IL1RAPL1: variants seen among roughly 807,000 people sequenced by gnomAD.
IL1RAPL1 encodes the protein interleukin-1 receptor accessory protein-like 1.
IL1RAPL1 carries 3 observed loss-of-function variants against 48.4 expected under a neutral mutation model. That is an observed-to-expected ratio of 0.06 (90% CI 0.03 to 0.16). The LOEUF (loss-of-function observed/expected upper bound fraction) is 0.16, where lower values mean the gene tolerates loss of function less well. Among genes scored for constraint, IL1RAPL1 ranks in the 10% least tolerant of loss-of-function variants. The pLI, the probability that IL1RAPL1 is intolerant of heterozygous loss-of-function variation, is 1.00. For missense variants in IL1RAPL1, 349 were observed against 530.6 expected, an observed-to-expected ratio of 0.66 and a Z score of 3.36; for synonymous variants, 185 against 187.7, an observed-to-expected ratio of 0.99 and a Z score of 0.12.
intron 6 of IL1RAPL1, among the ~76,000 whole-genome samples, chrX:29,815,052 T>C (rs1227532526): frequency 8.9e-6 from 1 of 111,950 alleles, no homozygotes; most frequent in African/African-American, 3.2e-5. Context: ...CCGCTTTGGC[T>C]ATTTGGGCTC....
At chrX:28,961,556 G>A (rs962433376) in intron 2 of IL1RAPL1, among the ~76,000 whole-genome samples, 1 of 111,132 alleles carries the variant, frequency 9.0e-6, no homozygotes, top group African/African-American at 3.3e-5. Flanking sequence ...GTGTCCATGT[G>A]TTCTCACTGT....
At chrX:29,623,745 A>C (rs1256009034) in intron 5 of IL1RAPL1, among the ~76,000 whole-genome samples, 1 of 112,458 alleles carries the variant, frequency 8.9e-6, no homozygotes, top group Non-Finnish European at 1.9e-5. Context: ...GGTTTGCTAG[A>C]AAATATTGGC....
At chrX:29,196,985 A>C in intron 2 of IL1RAPL1, among the ~76,000 whole-genome samples, 1 of 110,352 alleles carries the variant, frequency 9.1e-6, no homozygotes, top group South Asian at 3.9e-4. Context: ...GTCCTGCTCA[A>C]ACCCAACTTC....
At chrX:29,116,456 C>A (rs1928679494) in intron 2 of IL1RAPL1, among the ~76,000 whole-genome samples, 1 of 111,433 alleles carries the variant, frequency 9.0e-6, no homozygotes, top group South Asian at 3.8e-4. Context: ...GAGGAATACA[C>A]AGAAATTAAC....
intron 1 of IL1RAPL1, among the ~76,000 whole-genome samples, chrX:28,629,841 C>T (rs750686010): frequency 1.8e-5 from 2 of 111,875 alleles, no homozygotes; most frequent in Non-Finnish European, 3.8e-5. Flanking sequence ...TAGGCAAGCA[C>T]GGCAAAGAGA....
intron 2 of IL1RAPL1, among the ~76,000 whole-genome samples, chrX:29,007,200 G>T (rs965735175): frequency 9.9e-4 from 111 of 111,827 alleles, no homozygotes; most frequent in African/African-American, 3.5e-3. Flanking sequence ...TTTGAATTTT[G>T]CTATAGTTGT....
chrX:29,138,508 C>T (rs1023991656), intron 2 of IL1RAPL1, among the ~76,000 whole-genome samples: 2 of 110,609 alleles, frequency 1.8e-5, no homozygotes, highest in Admixed American at 9.7e-5. Flanking sequence ...TGGCTCATGC[C>T]GGTAATCCCG....
At chrX:28,731,941 A>G (rs1207279281) in intron 1 of IL1RAPL1, among the ~76,000 whole-genome samples, 1 of 111,814 alleles carries the variant, frequency 8.9e-6, no homozygotes, top group Non-Finnish European at 1.9e-5. Context: ...AAGCCCAGAA[A>G]ACTGGGGCAA....
chrX:29,283,236 T>C lies in IL1RAPL1; in HGVS notation c.362+19T>C, dbSNP rs757509231. ...TCATCAGGTATCCCTTTAATTCTAT[T>C]ACTGCTGAATCAAAGAAAGCACAGG... is the stretch of plus-strand genomic sequence containing the variant. On this transcript the variant is annotated intron_variant, in intron 3 of 10. Coordinates refer to ENST00000378993, the MANE Select transcript of IL1RAPL1 (RefSeq NM_014271.4). 1.7e-6 allele frequency: 2 copies of C among 1,197,836 alleles called. No homozygotes were observed. Among genetic ancestry groups the C allele is most frequent in the South Asian group, 3.5e-5 (2 of 56,657 alleles).
chrX:28,739,077 A>G (rs1431944994), intron 1 of IL1RAPL1, among the ~76,000 whole-genome samples: 2 of 111,197 alleles, frequency 1.8e-5, no homozygotes, highest in Middle Eastern at 4.6e-3. Context: ...TGATGTCTCC[A>G]AGATACCTAC....
rs755271362 is a variant in IL1RAPL1 at position 29,164,416 on chromosome X, C to T, written c.83-118522C>T. Among the ~76,000 whole-genome samples the T allele has an allele frequency of 8.1e-5, 9 of 111,670 alleles. No homozygotes were observed. The East Asian group carries it at 8.4e-4, about 10-fold the overall frequency. On this transcript the variant is annotated intron_variant, in intron 2 of 10. Transcript: ENST00000378993. The stretch of plus-strand genomic sequence containing the variant: ...ACAAAAAAAATTCCTTTGGAGTGAA[C>T]GAATGAATTAATAAGTAGGCAAGTG...
chrX:29,558,969 C>T (rs1922096355), intron 5 of IL1RAPL1, among the ~76,000 whole-genome samples: 1 of 111,672 alleles, frequency 9.0e-6, no homozygotes, highest in Admixed American at 9.5e-5. Flanking sequence ...AAATGTGATG[C>T]CTCCAAGTTT....
intron 5 of IL1RAPL1, among the ~76,000 whole-genome samples, chrX:29,538,321 G>C (rs1438168427): frequency 2.0e-5 from 2 of 100,256 alleles, no homozygotes; most frequent in African/African-American, 7.4e-5. Flanking sequence ...TAATCTTAAA[G>C]GTTTTTCTTT....
intron 1 of IL1RAPL1, among the ~76,000 whole-genome samples, chrX:28,760,686 A>G (rs1936160125): frequency 8.9e-6 from 1 of 112,256 alleles, no homozygotes; most frequent in African/African-American, 3.2e-5. Context: ...GAAGTAGCCA[A>G]GAAACATAAG....
intron 6 of IL1RAPL1, among the ~76,000 whole-genome samples, chrX:29,742,488 A>G (rs1397688161): frequency 9.0e-6 from 1 of 110,859 alleles, no homozygotes; most frequent in Non-Finnish European, 1.9e-5. Context: ...CTATGACCCT[A>G]AAACCAATCT....
chrX:29,032,739 GCATGCA>G (rs1268246781), intron 2 of IL1RAPL1, among the ~76,000 whole-genome samples: 1 of 84,860 alleles, frequency 1.2e-5, no homozygotes, highest in Non-Finnish European at 2.2e-5. Context: ...GCTCACGTGG[GCATGCA>G]CACACACACA....
chrX:28,824,966 T>C (rs1034877949), intron 2 of IL1RAPL1, among the ~76,000 whole-genome samples: 7 of 111,713 alleles, frequency 6.3e-5, no homozygotes. Context: ...TGAGAAACAC[T>C]GTGCCAATGT....
At chrX:28,596,633 A>G (rs947093239) in intron 1 of IL1RAPL1, among the ~76,000 whole-genome samples, 1 of 111,733 alleles carries the variant, frequency 8.9e-6, no homozygotes, top group African/African-American at 3.2e-5. Context: ...CGAGTCCCTA[A>G]TATAAAATGG....
At chrX:29,648,373 G>A (rs5972557) in intron 5 of IL1RAPL1, among the ~76,000 whole-genome samples, 27,458 of 111,041 alleles carry the variant, frequency 0.25, 4,512 homozygotes, top group African/African-American at 0.6. Context: ...GATTCAGGAT[G>A]GGTCCCATGT....
Sources: gnomAD v4.1 joint callset for allele counts (sites outside exome capture counted in the v4.1 genomes callset) on GRCh38, gnomAD v4.1.1 for gene constraint, MANE v1.5 for transcripts, NCBI Gene and HGNC (gene_info 2026-07-23, HGNC 2026-07-21) for gene names.